Variants in PARD3B observed in about 807,000 individuals in gnomAD.
PARD3B encodes the protein par-3 family cell polarity regulator beta, also known as partitioning defective 3 homolog B.
A neutral mutation model predicts 130.2 loss-of-function variants in PARD3B; 103 were observed. That is an observed-to-expected ratio of 0.79 (90% CI 0.67 to 0.93). PARD3B has a LOEUF of 0.93. PARD3B is among the 40% of genes least tolerant of loss of function. The pLI, the probability that PARD3B is intolerant of heterozygous loss-of-function variation, is 0.00. For missense variants in PARD3B, 1,609 were observed against 1,499.2 expected, an observed-to-expected ratio of 1.07 and a Z score of -1.21; for synonymous variants, 583 against 553.2, an observed-to-expected ratio of 1.05 and a Z score of -0.76.
At chr2:205,296,666 T>C (rs1010319361) in intron 16 of PARD3B, among the ~76,000 whole-genome samples, 33 of 87,280 alleles carry the variant, frequency 3.8e-4, no homozygotes, top group African/African-American at 2.4e-3. Flanking sequence ...TTTGTGTATG[T>C]GTGTGTGTGT....
intron 15 of PARD3B, among the ~76,000 whole-genome samples, chr2:205,242,734 A>G (rs1337524197): frequency 2.0e-5 from 3 of 152,168 alleles, no homozygotes; most frequent in African/African-American, 7.2e-5. Context: ...CACAACTTCC[A>G]TTTATCAAAT....
intron 20 of PARD3B, among the ~76,000 whole-genome samples, chr2:205,482,932 C>T (rs1437615198): frequency 6.6e-6 from 1 of 152,046 alleles, no homozygotes; most frequent in East Asian, 1.9e-4. Flanking sequence ...TTTCTTCAGA[C>T]TTCTCTGGAC....
intron 2 of PARD3B, among the ~76,000 whole-genome samples, chr2:204,816,762 C>T (rs879791018): frequency 5.3e-5 from 8 of 151,862 alleles, no homozygotes; most frequent in Admixed American, 4.6e-4. Flanking sequence ...CATTGAGCTT[C>T]CTGGATCTGT....
At chr2:205,170,085 C>T (rs901351247) in intron 11 of PARD3B, among the ~76,000 whole-genome samples, 6 of 151,998 alleles carry the variant, frequency 3.9e-5, no homozygotes, top group Non-Finnish European at 5.9e-5. Context: ...CATGCACCAC[C>T]GCGCCCAGCT....
Position 204,962,979 on chromosome 2 carries a change from A to G in PARD3B, c.223-2173A>G, listed in dbSNP as rs143922226. On this transcript the variant is annotated intron_variant, in intron 2 of 22. Coordinates refer to ENST00000406610, the MANE Select transcript of PARD3B (RefSeq NM_001302769.2). ...AAGTTACGTTTTGCCTGTGTCTCCA[A>G]AAAGTGGAATTCACATTCTTTAGGG... 7.9e-5 allele frequency among the ~76,000 whole-genome samples: 12 copies of G among 152,360 alleles called. No homozygotes were observed. The East Asian group carries it at 2.3e-3, about 29-fold the overall frequency.
intron 3 of PARD3B, among the ~76,000 whole-genome samples, chr2:204,986,030 G>A (rs1559328004): frequency 6.6e-6 from 1 of 150,416 alleles, no homozygotes; most frequent in Non-Finnish European, 1.5e-5. Flanking sequence ...GAATCCGGGA[G>A]GTGGAGCTTG....
chr2:204,764,149 C>T (rs2125414065), intron 2 of PARD3B, among the ~76,000 whole-genome samples: 1 of 152,184 alleles, frequency 6.6e-6, no homozygotes, highest in South Asian at 2.1e-4. Flanking sequence ...AAGAGGGTTG[C>T]TGTTTTACAG....
Position 204,702,886 on chromosome 2 carries a change from T to A in PARD3B, c.222+16604T>A, listed in dbSNP as rs182294819. ...CCACCATGCCTGGCCAATAGAGTTA[T>A]TTGTTTTTTTTCTTGTTCAATTGTT... On this transcript the variant is annotated intron_variant, in intron 2 of 22. Transcript: ENST00000406610. Among the ~76,000 whole-genome samples the A allele has an allele frequency of 1.2e-4, 19 of 152,308 alleles. No individual in the cohort carries two copies. In the East Asian group the frequency reaches 3.7e-3, roughly 29 times the overall value.
At chr2:205,392,469 G>C (rs1015835424) in intron 18 of PARD3B, among the ~76,000 whole-genome samples, 1 of 152,094 alleles carries the variant, frequency 6.6e-6, no homozygotes, top group African/African-American at 2.4e-5. Flanking sequence ...CAGGTTTGTT[G>C]TTTTCATATA....
At chr2:205,156,188 C>T (rs1575991209) in intron 10 of PARD3B, among the ~76,000 whole-genome samples, 1 of 145,560 alleles carries the variant, frequency 6.9e-6, no homozygotes, top group African/African-American at 2.6e-5. Flanking sequence ...CACATGTTCT[C>T]ACTCATAGGT....
chr2:204,911,729 A>G (rs980212261), intron 2 of PARD3B, among the ~76,000 whole-genome samples: 4 of 152,258 alleles, frequency 2.6e-5, no homozygotes, highest in African/African-American at 9.6e-5. Flanking sequence ...GCATCTGCCC[A>G]TAGCAACAAT....
At chr2:205,038,141 A>G (rs149712030) in intron 3 of PARD3B, among the ~76,000 whole-genome samples, 53 of 152,320 alleles carry the variant, frequency 3.5e-4, no homozygotes, top group Non-Finnish European at 6.0e-4. Context: ...CACCTGAAAA[A>G]GAATGTAGTA....
chr2:204,681,068 G>A (rs2036807427), intron 1 of PARD3B, among the ~76,000 whole-genome samples: 1 of 151,984 alleles, frequency 6.6e-6, no homozygotes, highest in Admixed American at 6.6e-5. Context: ...TTAAAGATCT[G>A]TTCATTTTGA....
intron 2 of PARD3B, among the ~76,000 whole-genome samples, chr2:204,937,103 A>G (rs915997090): frequency 6.6e-6 from 1 of 152,250 alleles, no homozygotes; most frequent in Non-Finnish European, 1.5e-5. Flanking sequence ...GGGGGTCCCA[A>G]TTATTCTTAA....
intron 4 of PARD3B, among the ~76,000 whole-genome samples, chr2:205,062,259 G>T (rs1700105321): frequency 6.6e-6 from 1 of 151,972 alleles, no homozygotes; most frequent in African/African-American, 2.4e-5. Flanking sequence ...GTTCGTTGAG[G>T]TCGTAATGAA....
chr2:204,946,108 C>T (rs900797395), intron 2 of PARD3B, among the ~76,000 whole-genome samples: 2 of 152,166 alleles, frequency 1.3e-5, no homozygotes. Context: ...TGGTATTTTG[C>T]TCCTTCGACT....
chr2:205,450,384 A>G (rs377722011), intron 20 of PARD3B, among the ~76,000 whole-genome samples: 8 of 151,894 alleles, frequency 5.3e-5, no homozygotes, highest in Admixed American at 1.3e-4. Context: ...GTGTATTGCA[A>G]TCATCAGAAA....
At chr2:204,553,149 GA>G (rs200555658) in intron 1 of PARD3B, among the ~76,000 whole-genome samples, 5,249 of 151,966 alleles carry the variant, frequency 0.035, 307 homozygotes, top group African/African-American at 0.12. Flanking sequence ...CAACAAACAA[GA>G]AAAAAATGCT....
chr2:205,326,317 C>T (rs2042937409), intron 18 of PARD3B, among the ~76,000 whole-genome samples: 1 of 152,188 alleles, frequency 6.6e-6, no homozygotes, highest in Admixed American at 6.5e-5. Flanking sequence ...ACTTTCTCAA[C>T]TGCATAATCT....
Sources: gnomAD v4.1 joint callset for allele counts (sites outside exome capture counted in the v4.1 genomes callset) on GRCh38, gnomAD v4.1.1 for gene constraint, MANE v1.5 for transcripts, NCBI Gene and HGNC (gene_info 2026-07-23, HGNC 2026-07-21) for gene names.